Variants in INPP5A observed in about 807,000 individuals in gnomAD.
INPP5A encodes the protein 43 kDa inositol polyphosphate 5-phophatase.
In INPP5A, 14 loss-of-function variants were observed where a neutral mutation model predicts 65.2. The ratio of observed to expected loss-of-function variants is 0.21; its 90% CI spans 0.14 to 0.34. The LOEUF (loss-of-function observed/expected upper bound fraction) is 0.34. Ranked by LOEUF, INPP5A falls within the 10% of genes least tolerant of loss-of-function variation. The probability of loss-of-function intolerance (pLI) is 1.00; values close to 1 mark genes in which losing one functional copy is unlikely to be tolerated. For missense variants in INPP5A, 431 were observed against 545.6 expected (o/e 0.79, Z 2.09); for synonymous variants, 207 against 208.3 (o/e 0.99, Z 0.05).
At chr10:132,729,063 G>A (rs1296511134) in intron 9 of INPP5A, among the ~76,000 whole-genome samples, 1 of 149,590 alleles carries the variant, frequency 6.7e-6, no homozygotes, top group South Asian at 2.1e-4. Flanking sequence ...TTGCGTGGCC[G>A]CTGTGGTCTC....
chr10:132,766,160 G>C (rs537852229), intron 12 of INPP5A, among the ~76,000 whole-genome samples: 1 of 152,050 alleles, frequency 6.6e-6, no homozygotes, highest in Non-Finnish European at 1.5e-5. Flanking sequence ...GTGTGTGCAC[G>C]TGTGTGTTCT....
At position 132,781,863 on chromosome 10, in the gene INPP5A, C is replaced by T. The variant is rs567927379; in HGVS notation, c.1161C>T (p.Pro387=). The T allele has an allele frequency of 4.5e-5, 73 of 1,613,456 alleles. No individual in the cohort carries two copies. The highest frequency in any genetic ancestry group is 4.2e-4 in the East Asian group (19 of 44,876). The change falls in exon 15 of 16, where the codon CCC becomes CCT. Residue 387 remains proline, a splice_region_variant and synonymous_variant. Transcript: ENST00000368594. The stretch of plus-strand genomic sequence containing the variant: ...ACCGTCCTCTCTTCCTGCTGCAGCC[C>T]GTGTTCCTGGCCTTCCGAATCATGC... ...GPNVCMGDHK[P]VFLAFRIMPG...
At position 132,544,390 on chromosome 10, in the gene INPP5A, C is replaced by T. The variant is rs532210921; in HGVS notation, c.75+6219C>T. 3.3e-5 allele frequency among the ~76,000 whole-genome samples: 5 copies of T among 152,288 alleles called. No homozygotes were observed. The South Asian group carries it at 1.0e-3, about 32-fold the overall frequency. On this transcript the variant is annotated intron_variant, in intron 1 of 15. Transcript: ENST00000368594. The stretch of plus-strand genomic sequence containing the variant: ...GGGGCGGCCTGTGGTCTGCAGGTGC[C>T]CTCCCTGCCCCGGTGCGGCAATGGG...
chr10:132,646,059 C>T, intron 3 of INPP5A, 91 bp downstream of exon 3: 1 of 826,588 alleles, frequency 1.2e-6, no homozygotes, highest in Non-Finnish European at 2.0e-6. Context: ...GATCACCAGC[C>T]TCACCATTCG....
At chr10:132,725,267 G>T (rs995681482) in intron 8 of INPP5A, among the ~76,000 whole-genome samples, 8 of 152,246 alleles carry the variant, frequency 5.3e-5, no homozygotes, top group African/African-American at 1.7e-4. Context: ...AGTGGTGATG[G>T]TTCCACCCGC....
chr10:132,683,328 C>T (rs1217812267), intron 4 of INPP5A, among the ~76,000 whole-genome samples: 21 of 143,048 alleles, frequency 1.5e-4, no homozygotes, highest in African/African-American at 5.3e-4. Context: ...ACGTGTCTGC[C>T]GTGACCCAGC....
chr10:132,607,513 G>A (rs2071873158), intron 1 of INPP5A, among the ~76,000 whole-genome samples: 1 of 152,250 alleles, frequency 6.6e-6, no homozygotes, highest in South Asian at 2.1e-4. Flanking sequence ...AGGGGCTTTG[G>A]CTCAGGCAGG....
chr10:132,561,401 T>TA (rs2071203570), intron 1 of INPP5A, among the ~76,000 whole-genome samples: 1 of 152,190 alleles, frequency 6.6e-6, no homozygotes, highest in Non-Finnish European at 1.5e-5. Flanking sequence ...GTAGGGGTCT[T>TA]CATTCTTTTG....
At chr10:132,769,137 C>T (rs373029427) in intron 12 of INPP5A, among the ~76,000 whole-genome samples, 5 of 152,232 alleles carry the variant, frequency 3.3e-5, no homozygotes, top group African/African-American at 7.2e-5. Context: ...GGGGTCTTCT[C>T]CTGCAAAGGT....
intron 1 of INPP5A, among the ~76,000 whole-genome samples, 167 bp from the exon 2 acceptor site, chr10:132,607,748 C>T (rs957606221): frequency 1.3e-5 from 2 of 152,254 alleles, no homozygotes; most frequent in Non-Finnish European, 2.9e-5. Context: ...GCGGGGTCCC[C>T]GCGTGGGCCT....
At chr10:132,590,642 C>T (rs1484768995) in intron 1 of INPP5A, among the ~76,000 whole-genome samples, 1 of 152,180 alleles carries the variant, frequency 6.6e-6, no homozygotes, top group East Asian at 1.9e-4. Context: ...CACCGCACCC[C>T]GTTGCTTCCA....
intron 9 of INPP5A, among the ~76,000 whole-genome samples, chr10:132,747,160 A>C (rs1413525497): frequency 6.6e-6 from 1 of 152,254 alleles, no homozygotes; most frequent in Non-Finnish European, 1.5e-5. Flanking sequence ...TCTCCCATTC[A>C]GGGAAAGCAG....
Position 132,782,057 on chromosome 10 carries a change from G to A in INPP5A, c.*28G>A, listed in dbSNP as rs554831186. ...GACAGGGAAGAGATGCCAGCGCCAC[G>A]AGAGGACACTTCGTGAGCCTCCCTG... On this transcript the variant is annotated 3_prime_UTR_variant, in exon 16 of 16. Transcript: ENST00000368594. The surrounding 1 kb of genome is among the most constrained non-coding windows in gnomAD (Gnocchi z 4.4). The A allele has an allele frequency of 3.3e-5, 52 of 1,569,694 alleles. No homozygotes were observed. The highest frequency in any genetic ancestry group is 1.7e-4 in the Middle Eastern group (1 of 5,960).
At chr10:132,737,160 C>G (rs986718250) in intron 9 of INPP5A, among the ~76,000 whole-genome samples, 2 of 152,228 alleles carry the variant, frequency 1.3e-5, no homozygotes, top group Non-Finnish European at 2.9e-5. Flanking sequence ...CCCTCCAAAG[C>G]CCTGCACCAT....
intron 8 of INPP5A, among the ~76,000 whole-genome samples, chr10:132,718,215 G>C (rs58193512): frequency 0.026 from 3,788 of 144,778 alleles, 66 homozygotes; most frequent in African/African-American, 0.093. Flanking sequence ...AGGGTTCTGT[G>C]GTACCTGGGT....
intron 12 of INPP5A, among the ~76,000 whole-genome samples, chr10:132,776,402 C>T (rs919884781): frequency 5.9e-5 from 9 of 152,140 alleles, no homozygotes; most frequent in African/African-American, 2.2e-4. Context: ...CCCACAGGCG[C>T]CCCTGTGGGC....
intron 4 of INPP5A, among the ~76,000 whole-genome samples, chr10:132,662,130 C>G (rs576792748): frequency 7.7e-4 from 117 of 152,294 alleles, no homozygotes; most frequent in Non-Finnish European, 1.3e-3. Context: ...AAGAGGAAAC[C>G]AGTCAGTTGG....
rs757646788 is a variant in INPP5A, at chr10:132,627,715, CAG to C, written c.118-18152_118-18151del. Among the ~76,000 whole-genome samples the C allele has an allele frequency of 7.2e-5, 11 of 152,258 alleles. No individual in the cohort carries two copies. The South Asian group carries it at 8.3e-4, about 11-fold the overall frequency. On this transcript the variant is annotated intron_variant, in intron 2 of 15. Coordinates refer to ENST00000368594, the MANE Select transcript of INPP5A (RefSeq NM_005539.5). This position sits in a 1 kb window ranked among gnomAD's most constrained non-coding sequence, Gnocchi z 6.6. ...GCTGGGATTATAGTGAGAGGCGAGA[CAG>C]GGGATGCAGACGGGTAGATGCCACA...
intron 4 of INPP5A, among the ~76,000 whole-genome samples, chr10:132,680,937 C>A (rs916581122): frequency 1.3e-5 from 2 of 152,232 alleles, no homozygotes; most frequent in Admixed American, 6.5e-5. Flanking sequence ...GCCTCCCACC[C>A]GCTCCGTGGG....
Sources: allele counts gnomAD v4.1 joint callset (sites outside exome capture counted in the v4.1 genomes callset), GRCh38; gene constraint gnomAD v4.1.1; non-coding constraint Gnocchi (gnomAD v3.1); transcripts MANE v1.5; gene names NCBI Gene and HGNC (gene_info 2026-07-23, HGNC 2026-07-21).